Variants in PTPRK observed in about 807,000 individuals in gnomAD.
PTPRK encodes the protein receptor-type tyrosine-protein phosphatase kappa.
A neutral mutation model predicts 178.0 loss-of-function variants in PTPRK; 75 were observed. The observed-to-expected ratio is 0.42, with a 90% CI of 0.35 to 0.51. PTPRK has a LOEUF of 0.51. PTPRK is among the 20% of genes least tolerant of loss of function. PTPRK has a pLI of 0.02. For synonymous variants in PTPRK, 637 were observed against 620.6 expected (o/e 1.03, Z -0.39); for missense variants, 1,441 against 1,797.8 (o/e 0.80, Z 3.59).
intron 1 of PTPRK, among the ~76,000 whole-genome samples, chr6:128,508,018 C>T (rs1856617010): frequency 1.3e-5 from 2 of 152,078 alleles, no homozygotes; most frequent in Admixed American, 6.6e-5. Flanking sequence ...GGAAAGACTA[C>T]TGATAGACTG....
At chr6:128,064,218 A>C (rs926779645) in intron 13 of PTPRK, among the ~76,000 whole-genome samples, 8 of 152,188 alleles carry the variant, frequency 5.3e-5, no homozygotes, top group African/African-American at 1.7e-4. Flanking sequence ...ATAATATGCC[A>C]GGTCAGCAGG....
chr6:128,446,067 T>C (rs1367586053), intron 1 of PTPRK, among the ~76,000 whole-genome samples: 1 of 152,226 alleles, frequency 6.6e-6, no homozygotes, highest in East Asian at 1.9e-4. Flanking sequence ...AAATCTACCA[T>C]TCTCTAAGTA....
intron 1 of PTPRK, among the ~76,000 whole-genome samples, chr6:128,454,263 G>T (rs1051174112): frequency 1.3e-5 from 2 of 152,072 alleles, no homozygotes; most frequent in East Asian, 3.9e-4. Context: ...TTCTTTTGTT[G>T]ATCAGCTACC....
chr6:128,239,931 G>GCACACACA, intron 5 of PTPRK, 104 bp downstream of exon 5: 2 of 734,866 alleles, frequency 2.7e-6, no homozygotes, highest in Non-Finnish European at 4.4e-6. Context: ...GTGTGCACAC[G>GCACACACA]CACACACACA....
chr6:128,266,607 C>T (rs1818990296), intron 3 of PTPRK, among the ~76,000 whole-genome samples: 1 of 152,024 alleles, frequency 6.6e-6, no homozygotes, highest in Non-Finnish European at 1.5e-5. Context: ...TAAGGTCTTT[C>T]CTAGAATAGA....
chr6:128,469,650 T>C (rs1052146004), intron 1 of PTPRK, among the ~76,000 whole-genome samples: 6 of 152,170 alleles, frequency 3.9e-5, no homozygotes, highest in Non-Finnish European at 8.8e-5. Context: ...CAAACACAAG[T>C]GTCTATATCC....
At chr6:128,142,641 A>C (rs1795940894) in intron 7 of PTPRK, among the ~76,000 whole-genome samples, 3 of 151,968 alleles carry the variant, frequency 2.0e-5, no homozygotes, top group African/African-American at 7.2e-5. Context: ...ATTTAAAGCA[A>C]AAATGTGAAG....
intron 8 of PTPRK, among the ~76,000 whole-genome samples, chr6:128,088,286 G>A (rs1042524716): frequency 5.9e-5 from 9 of 151,884 alleles, no homozygotes; most frequent in Non-Finnish European, 1.3e-4. Context: ...GCTGAGGCAG[G>A]AGAATCGCTT....
chr6:128,235,300 AAAT>A (rs906103540), intron 5 of PTPRK: 49 of 126,766 alleles, frequency 3.9e-4, no homozygotes, highest in African/African-American at 2.0e-3. Flanking sequence ...CAAAATTTAA[AAAT>A]AACCAACATT....
rs1264680446 is a variant in PTPRK, at chr6:128,089,996, A to T, written c.1163-4T>A. The T allele has an allele frequency of 1.3e-6, 2 of 1,587,938 alleles. No homozygotes were observed. Among genetic ancestry groups the T allele is most frequent in the African/African-American group, 1.3e-5 (1 of 74,308 alleles). ...GTCTTTGGGGTTCTCATAGGTTCTG[A>T]AAAATAAATCAGAGTTGTAGACAGC... On this transcript the variant is annotated splice_region_variant and splice_polypyrimidine_tract_variant and intron_variant, in intron 7 of 29. Coordinates refer to ENST00000368226, the MANE Select transcript of PTPRK (RefSeq NM_002844.4).
intron 15 of PTPRK, chr6:128,003,351 T>C (rs1216565357): frequency 9.8e-7 from 1 of 1,018,064 alleles, no homozygotes; most frequent in Non-Finnish European, 1.4e-6. Context: ...CTTTCTCAGA[T>C]TACTGTATTC....
intron 2 of PTPRK, among the ~76,000 whole-genome samples, chr6:128,370,935 A>G (rs1836187692): frequency 6.6e-6 from 1 of 152,172 alleles, no homozygotes; most frequent in Non-Finnish European, 1.5e-5. Flanking sequence ...AACATCAGCA[A>G]TAAGTTTACC....
intron 13 of PTPRK, among the ~76,000 whole-genome samples, chr6:128,061,058 T>C (rs1035484563): frequency 4.6e-5 from 7 of 152,192 alleles, no homozygotes; most frequent in Non-Finnish European, 8.8e-5. Context: ...GTCCCTGGCA[T>C]ATAGTGATGT....
intron 6 of PTPRK, among the ~76,000 whole-genome samples, chr6:128,195,923 T>C (rs986492301): frequency 6.6e-6 from 1 of 152,142 alleles, no homozygotes; most frequent in Non-Finnish European, 1.5e-5. Context: ...ATAGCCTCAA[T>C]TTTGGAATTA....
intron 7 of PTPRK, among the ~76,000 whole-genome samples, chr6:128,138,888 C>T (rs1795384484): frequency 6.6e-6 from 1 of 151,954 alleles, no homozygotes; most frequent in African/African-American, 2.4e-5. Flanking sequence ...CAGCACTACT[C>T]ATCATCAAAC....
At chr6:128,258,835 C>T (rs1001834958) in intron 3 of PTPRK, among the ~76,000 whole-genome samples, 5 of 152,102 alleles carry the variant, frequency 3.3e-5, no homozygotes, top group African/African-American at 1.2e-4. Context: ...CTTTGAGATA[C>T]GAATGATCTT....
chr6:128,124,630 T>C (rs1793034751), intron 7 of PTPRK, among the ~76,000 whole-genome samples: 1 of 152,134 alleles, frequency 6.6e-6, no homozygotes, highest in Non-Finnish European at 1.5e-5. Flanking sequence ...ACTGATCCCT[T>C]TATCTTCTGG....
chr6:128,430,513 T>C (rs1844699312), intron 1 of PTPRK, among the ~76,000 whole-genome samples: 1 of 152,186 alleles, frequency 6.6e-6, no homozygotes, highest in South Asian at 2.1e-4. Context: ...AATGATGCAA[T>C]GAGACTAAAA....
At chr6:128,326,119 T>A (rs1297673966) in intron 2 of PTPRK, among the ~76,000 whole-genome samples, 1 of 151,878 alleles carries the variant, frequency 6.6e-6, no homozygotes, top group Non-Finnish European at 1.5e-5. Flanking sequence ...AACTGAACAA[T>A]GAGAACACAT....
Sources: gnomAD v4.1 joint callset for allele counts (sites outside exome capture counted in the v4.1 genomes callset) on GRCh38, gnomAD v4.1.1 for gene constraint, MANE v1.5 for transcripts, NCBI Gene and HGNC (gene_info 2026-07-23, HGNC 2026-07-21) for gene names.